The following CYP27A1 variants were observed in gnomAD, a reference collection of about 807,000 sequenced individuals.
The protein encoded by CYP27A1 is cytochrome P450 family 27 subfamily A member 1.
Under a neutral mutation model 58.2 loss-of-function variants are expected in CYP27A1, and 46 were observed. That is an observed-to-expected ratio of 0.79 (90% CI 0.62 to 1.01). The LOEUF is 1.01. Ranked by LOEUF, CYP27A1 falls within the 50% of genes least tolerant of loss-of-function variation. The pLI is 0.00. For missense variants in CYP27A1, 704 were observed against 687.0 expected (o/e 1.02, Z -0.28); for synonymous variants, 274 against 285.1 (o/e 0.96, Z 0.39).
chr2:218,796,015 G>C (rs1375565970), intron 1 of CYP27A1, among the ~76,000 whole-genome samples: 1 of 152,166 alleles, frequency 6.6e-6, no homozygotes, highest in Non-Finnish European at 1.5e-5. Flanking sequence ...TCTCCTTTAA[G>C]GTCCCAAGAT....
At chr2:218,796,967 C>T (rs934584252) in intron 1 of CYP27A1, among the ~76,000 whole-genome samples, 6 of 152,058 alleles carry the variant, frequency 3.9e-5, no homozygotes, top group African/African-American at 1.2e-4. Context: ...AACCGTCTTT[C>T]GAAAAGGAGT....
chr2:218,809,516 C>T (rs1258437952), intron 1 of CYP27A1, 61 bp from the exon 2 acceptor site: 2 of 1,257,580 alleles, frequency 1.6e-6, no homozygotes. Flanking sequence ...CACCTCATCT[C>T]CTGTCCTGGG....
chr2:218,788,682 C>T (rs184200869), intron 1 of CYP27A1, among the ~76,000 whole-genome samples: 3 of 152,252 alleles, frequency 2.0e-5, no homozygotes, highest in Admixed American at 1.3e-4. Flanking sequence ...GGTGACTCTC[C>T]GTTAGGTTAA....
At chr2:218,783,992 T>C (rs1943419299) in intron 1 of CYP27A1, among the ~76,000 whole-genome samples, 1 of 151,930 alleles carries the variant, frequency 6.6e-6, no homozygotes, top group African/African-American at 2.4e-5. Flanking sequence ...CTGTGGTGTG[T>C]GTAGTAGGAG....
At chr2:218,811,925 A>T (rs1343061988) in intron 2 of CYP27A1, among the ~76,000 whole-genome samples, 1 of 152,188 alleles carries the variant, frequency 6.6e-6, no homozygotes, top group Non-Finnish European at 1.5e-5. Flanking sequence ...GGCACACAGG[A>T]GTTACCCACC....
chr2:218,794,000 G>A (rs1016315592), intron 1 of CYP27A1, among the ~76,000 whole-genome samples: 2 of 151,978 alleles, frequency 1.3e-5, no homozygotes, highest in Non-Finnish European at 2.9e-5. Flanking sequence ...TTAGGCTCGC[G>A]GACACATAGA....
intron 1 of CYP27A1, among the ~76,000 whole-genome samples, chr2:218,807,727 A>C (rs1020912048): frequency 6.6e-6 from 1 of 151,674 alleles, no homozygotes; most frequent in African/African-American, 2.4e-5. Flanking sequence ...CTCCCACCTC[A>C]GCCTCCGAGT....
chr2:218,808,447 G>A (rs1289201705), intron 1 of CYP27A1, among the ~76,000 whole-genome samples: 2 of 152,212 alleles, frequency 1.3e-5, no homozygotes, highest in Non-Finnish European at 2.9e-5. Flanking sequence ...TGTTGGATTG[G>A]TCCTAGGAGA....
In CYP27A1 at chr2:218,812,699, T is replaced by C. The variant is rs1307072775; in HGVS notation, c.794T>C (p.Leu265Pro). 3 of 1,614,136 alleles carry C rather than the reference T, an allele frequency of 1.9e-6. No individual in the cohort carries two copies. In the African/African-American group the frequency reaches 4.0e-5, roughly 22 times the overall value. Reference protein sequence around the residue: ...TFLPKWTRPVLPFWKRYLDGW... With the variant: ...TFLPKWTRPVPPFWKRYLDGW... ...CTCCCCAAGTGGACTCGCCCCGTGC[T>C]GCCTTTCTGGAAGCGATACCTGGAT... The change falls in exon 4 of 9, where the codon CTG becomes CCG. Residue 265 changes from leucine (L) to proline (P), a missense_variant. Leu to Pro is a moderately conservative substitution (Grantham distance 98). Transcript: ENST00000258415.
At position 218,782,216 on chromosome 2, in the gene CYP27A1, G is replaced by A; in HGVS notation, c.34G>A (p.Ala12Thr). ...AALGCARLRW[A>T]LRGAGRGLCP... ...GCTGGGCTGCGCGAGGCTGAGGTGG[G>A]CGCTGCGAGGGGCCGGCCGTGGCCT... The change falls in exon 1 of 9, where the codon GCG becomes ACG. Residue 12 changes from alanine (A) to threonine (T), a missense_variant. Ala to Thr is a moderately conservative substitution (Grantham distance 58). Transcript: ENST00000258415. The surrounding 1 kb of genome is among the most constrained non-coding windows in gnomAD (Gnocchi z 4.1). 1 of 1,540,040 alleles carries A rather than the reference G, an allele frequency of 6.5e-7. No individual in the cohort carries two copies. Among genetic ancestry groups the A allele is most frequent in the Non-Finnish European group, 8.7e-7 (1 of 1,145,988 alleles).
rs529184801 is a variant in CYP27A1, at chr2:218,813,880, A to G, written c.1018-141A>G. The G allele has an allele frequency of 1.6e-5, 14 of 898,860 alleles. No individual in the cohort carries two copies. In the East Asian group the frequency reaches 3.7e-4, roughly 24 times the overall value. The allele number at this position is 898,860 out of a possible 1,614,324, so 55.7% of individuals were successfully genotyped here. A position where few individuals can be genotyped will look rare whatever the true frequency, so the allele number is the denominator to read the frequency against. On this transcript the variant is annotated intron_variant, in intron 5 of 8. Transcript: ENST00000258415. ...ATTCATGTTTAGCATGGAGACTGCCATGAACCTGCATGTTTTTTCCTGCTA... is the reference window on the plus strand; with the variant it reads ...ATTCATGTTTAGCATGGAGACTGCCGTGAACCTGCATGTTTTTTCCTGCTA...
Position 218,790,703 on chromosome 2 carries a change from C to CT in CYP27A1, c.255+8278dup, listed in dbSNP as rs995291470. Among the ~76,000 whole-genome samples, 1,068 of 145,392 alleles carry CT rather than the reference C, an allele frequency of 7.3e-3. 9 individuals carry two copies. Among genetic ancestry groups the CT allele is most frequent in the African/African-American group, 0.019 (760 of 39,942 alleles). ...TCATGAGGGATAAATTTCTTTCTTTCTTTTTTTTTTTTGAGATGGAGTCTC... is the reference window on the plus strand; with the variant it reads ...TCATGAGGGATAAATTTCTTTCTTTCTTTTTTTTTTTTTGAGATGGAGTCTC... On this transcript the variant is annotated intron_variant, in intron 1 of 8. Coordinates refer to ENST00000258415, the MANE Select transcript of CYP27A1 (RefSeq NM_000784.4).
intron 1 of CYP27A1, among the ~76,000 whole-genome samples, chr2:218,803,554 G>A (rs1389630338): frequency 2.0e-5 from 3 of 152,026 alleles, no homozygotes; most frequent in Non-Finnish European, 4.4e-5. Flanking sequence ...CTCCCAGGTA[G>A]CTGGGACTAC....
intron 5 of CYP27A1, 113 bp from the exon 6 acceptor site, chr2:218,813,908 C>A: frequency 8.5e-7 from 1 of 1,175,080 alleles, no homozygotes; most frequent in Non-Finnish European, 1.2e-6. Context: ...TCCTGCTAGG[C>A]TAGTGGCAAA....
At chr2:218,793,199 C>T (rs1381150179) in intron 1 of CYP27A1, among the ~76,000 whole-genome samples, 1 of 152,210 alleles carries the variant, frequency 6.6e-6, no homozygotes, top group Middle Eastern at 3.4e-3. Flanking sequence ...GCTCAGCCTC[C>T]CGAGTAGCTG....
intron 1 of CYP27A1, among the ~76,000 whole-genome samples, chr2:218,789,148 C>T (rs1390449372): frequency 1.3e-5 from 2 of 152,186 alleles, no homozygotes; most frequent in Non-Finnish European, 2.9e-5. Context: ...TCAAGGCAGC[C>T]TTATTTGTAG....
At position 218,809,778 on chromosome 2, in the gene CYP27A1, G is replaced by A. The variant is rs759996025; in HGVS notation, c.446+11G>A. ...TGGGCCGTTCACCACGTGAGCTGGG[G>A]CCTGAAGGGACTGGAACAGGGCCCC... On this transcript the variant is annotated intron_variant, in intron 2 of 8. Transcript: ENST00000258415. 3 of 1,611,370 alleles carry A rather than the reference G, an allele frequency of 1.9e-6. No homozygotes were observed. The highest frequency in any genetic ancestry group is 2.2e-5 in the East Asian group (1 of 44,814).
intron 1 of CYP27A1, among the ~76,000 whole-genome samples, chr2:218,804,173 T>C (rs1943628451): frequency 6.6e-6 from 1 of 152,238 alleles, no homozygotes. Context: ...TTTTATAGTT[T>C]TAGCTCTTCT....
chr2:218,814,153 C>A lies in CYP27A1; in HGVS notation c.1150C>A (p.Pro384Thr). Residue 384 changes from proline (P) to threonine (T), a missense_variant, in exon 6 of 9, where the codon CCG (proline) becomes ACG (threonine). Physicochemically the swap from Pro to Thr is conservative, Grantham distance 38 (BLOSUM62 -1). Coordinates refer to ENST00000258415, the MANE Select transcript of CYP27A1 (RefSeq NM_000784.4). ...VPQHKDFAHM[P>T]LLKAVLKETL... is the part of the protein sequence containing the mutation. ...CCAGCACAAGGACTTTGCCCACATG[C>A]CGTTGCTCAAAGCTGTGCTTAAGGA... The A allele has an allele frequency of 2.5e-6, 4 of 1,614,244 alleles. No homozygotes were observed. Among genetic ancestry groups the A allele is most frequent in the Non-Finnish European group, 3.4e-6 (4 of 1,180,048 alleles).
Sources: gnomAD v4.1 joint callset for allele counts (sites outside exome capture counted in the v4.1 genomes callset) on GRCh38, gnomAD v4.1.1 for gene constraint, Gnocchi (gnomAD v3.1) non-coding constraint, MANE v1.5 for transcripts, NCBI Gene and HGNC (gene_info 2026-07-23, HGNC 2026-07-21) for gene names.